PARN: variants seen among roughly 807,000 people sequenced by gnomAD.
The protein encoded by PARN is poly(A)-specific ribonuclease.
PARN carries 71 observed loss-of-function variants against 102.8 expected under a neutral mutation model. The observed-to-expected ratio is 0.69, with a 90% CI of 0.57 to 0.84. PARN has a LOEUF of 0.84. Among genes scored for constraint, PARN ranks in the 40% least tolerant of loss-of-function variants. PARN has a pLI of 0.00. For missense variants in PARN, 782 were observed against 760.9 expected, an observed-to-expected ratio of 1.03 and a Z score of -0.33; for synonymous variants, 261 against 252.9, an observed-to-expected ratio of 1.03 and a Z score of -0.30.
intron 3 of PARN, among the ~76,000 whole-genome samples, chr16:14,627,891 C>G (rs894867948): frequency 1.6e-4 from 25 of 152,176 alleles, no homozygotes. Context: ...CGCCTGTAGT[C>G]CCAACTACTT....
chr16:14,614,319 G>A (rs1425395814), intron 6 of PARN, among the ~76,000 whole-genome samples: 2 of 151,900 alleles, frequency 1.3e-5, no homozygotes, highest in Non-Finnish European at 2.9e-5. Context: ...GACCCATGAC[G>A]CTGCCATTGG....
intron 14 of PARN, among the ~76,000 whole-genome samples, chr16:14,585,742 A>T (rs577734078): frequency 6.6e-6 from 1 of 152,226 alleles, no homozygotes; most frequent in Non-Finnish European, 1.5e-5. Context: ...AGCCATCTCA[A>T]GGAGGCTTCA....
intron 11 of PARN, among the ~76,000 whole-genome samples, chr16:14,603,383 T>C (rs1970993879): frequency 6.6e-6 from 1 of 152,178 alleles, no homozygotes; most frequent in Non-Finnish European, 1.5e-5. Context: ...CCCTGCCTAA[T>C]GTACATATGA....
intron 21 of PARN, among the ~76,000 whole-genome samples, chr16:14,484,200 C>G (rs903729505): frequency 4.6e-5 from 7 of 152,188 alleles, no homozygotes; most frequent in African/African-American, 1.7e-4. Context: ...TTAATCCCCC[C>G]TTGGTGTTAA....
intron 22 of PARN, among the ~76,000 whole-genome samples, chr16:14,467,423 C>T (rs968442031): frequency 1.3e-5 from 2 of 152,164 alleles, no homozygotes; most frequent in Admixed American, 1.3e-4. Flanking sequence ...GGTTAATTTG[C>T]AATTATAGCA....
At chr16:14,539,758 A>G (rs1966770382) in intron 21 of PARN, among the ~76,000 whole-genome samples, 1 of 152,220 alleles carries the variant, frequency 6.6e-6, no homozygotes, top group South Asian at 2.1e-4. Context: ...CTGTTGTAAA[A>G]ATCTTGCCTG....
At chr16:14,462,083 TTAAC>T (rs1299129328) in intron 22 of PARN, among the ~76,000 whole-genome samples, 1 of 152,192 alleles carries the variant, frequency 6.6e-6, no homozygotes, top group Non-Finnish European at 1.5e-5. Flanking sequence ...CTGGTGTTAT[TTAAC>T]TAACCTGGTG....
At chr16:14,562,500 T>TAC (rs1366664213) in intron 18 of PARN, among the ~76,000 whole-genome samples, 1 of 149,704 alleles carries the variant, frequency 6.7e-6, no homozygotes, top group Non-Finnish European at 1.5e-5. Flanking sequence ...TACCAAGGAC[T>TAC]ACCTCAAAAT....
At chr16:14,592,033 TCTCAAAA>T (rs1970226854) in intron 13 of PARN, 1 of 148,672 alleles carries the variant, frequency 6.7e-6, no homozygotes, top group African/African-American at 2.5e-5. Context: ...TGAGACTCCA[TCTCAAAA>T]AAAAAAAAAG....
At chr16:14,596,919 T>A (rs1032991694) in intron 12 of PARN, among the ~76,000 whole-genome samples, 1 of 151,964 alleles carries the variant, frequency 6.6e-6, no homozygotes, top group African/African-American at 2.4e-5. Context: ...CCCAAGTAGC[T>A]GGGATTACAG....
Position 14,446,564 on chromosome 16 carries a change from G to A in PARN, c.1864+324C>T, listed in dbSNP as rs992118845. On this transcript the variant is annotated intron_variant, in intron 23 of 23. Transcript: ENST00000437198. ...AATAACATGTAGGAGGGGCCTCTGC[G>A]CACATTTAAATGCACATTTTAAATA... is the stretch of plus-strand genomic sequence containing the variant. Among the ~76,000 whole-genome samples, 5 of 152,202 alleles carry A rather than the reference G, an allele frequency of 3.3e-5. No individual in the cohort carries two copies. The South Asian group carries it at 8.3e-4, about 25-fold the overall frequency.
chr16:14,448,566 G>A (rs915319681), intron 22 of PARN, among the ~76,000 whole-genome samples: 1 of 152,234 alleles, frequency 6.6e-6, no homozygotes, highest in South Asian at 2.1e-4. Flanking sequence ...GGGATTACAG[G>A]CGTGAGCCAC....
intron 2 of PARN, among the ~76,000 whole-genome samples, chr16:14,629,374 T>C (rs1157454534): frequency 1.3e-5 from 2 of 152,214 alleles, no homozygotes; most frequent in Non-Finnish European, 2.9e-5. Context: ...AAAACCATCA[T>C]CTCTATCTGA....
chr16:14,535,885 C>T lies in PARN; in HGVS notation c.1480+16136G>A, dbSNP rs575108169. Among the ~76,000 whole-genome samples the T allele has an allele frequency of 3.9e-5, 6 of 152,198 alleles. No homozygotes were observed. In the South Asian group the frequency reaches 8.3e-4, roughly 21 times the overall value. Reference sequence around the variant, plus strand: ...AGCTTCAGGCATCTACTTGGAGTCTCGGAATGTATCCTCCATGGATAAGGA... The same window carrying T: ...AGCTTCAGGCATCTACTTGGAGTCTTGGAATGTATCCTCCATGGATAAGGA... On this transcript the variant is annotated intron_variant, in intron 21 of 23. Coordinates refer to ENST00000437198, the MANE Select transcript of PARN (RefSeq NM_002582.4).
intron 21 of PARN, among the ~76,000 whole-genome samples, chr16:14,524,843 C>T (rs983019371): frequency 6.6e-6 from 1 of 152,146 alleles, no homozygotes; most frequent in Non-Finnish European, 1.5e-5. Context: ...TTTCTATTAC[C>T]AGGCAACACA....
chr16:14,449,958 C>T (rs141356047), intron 22 of PARN, among the ~76,000 whole-genome samples: 1 of 152,250 alleles, frequency 6.6e-6, no homozygotes, highest in East Asian at 1.9e-4. Flanking sequence ...GCATACACTT[C>T]CAGGAATTTA....
At chr16:14,597,611 G>T (rs1970602134) in intron 12 of PARN, among the ~76,000 whole-genome samples, 1 of 151,758 alleles carries the variant, frequency 6.6e-6, no homozygotes, top group South Asian at 2.1e-4. Context: ...GCAGGAGAAT[G>T]GCGTGAACCC....
intron 21 of PARN, among the ~76,000 whole-genome samples, chr16:14,544,431 T>A (rs76910493): frequency 6.6e-6 from 1 of 151,668 alleles, no homozygotes; most frequent in Non-Finnish European, 1.5e-5. Context: ...AAAAATTAGT[T>A]GGGCATGGTG....
chr16:14,506,145 T>C (rs966606069), intron 21 of PARN, among the ~76,000 whole-genome samples: 2 of 152,158 alleles, frequency 1.3e-5, no homozygotes, highest in African/African-American at 4.8e-5. Flanking sequence ...AATCTGAATC[T>C]TATCATGAGA....
Sources: allele counts gnomAD v4.1 joint callset (sites outside exome capture counted in the v4.1 genomes callset), GRCh38; gene constraint gnomAD v4.1.1; transcripts MANE v1.5; gene names NCBI Gene and HGNC (gene_info 2026-07-23, HGNC 2026-07-21).